Variants in AMD1 observed in about 807,000 individuals in gnomAD.
AMD1 encodes the protein adenosylmethionine decarboxylase 1, also known as S-adenosylmethionine decarboxylase proenzyme.
Under a neutral mutation model 40.2 loss-of-function variants are expected in AMD1, and 11 were observed. That is an observed-to-expected ratio of 0.27 (90% CI 0.17 to 0.45). The LOEUF is 0.45. Ranked by LOEUF, AMD1 falls within the 20% of genes least tolerant of loss-of-function variation. The probability of loss-of-function intolerance (pLI) is 1.00; values close to 1 mark genes in which losing one functional copy is unlikely to be tolerated. For missense variants in AMD1, 257 were observed against 410.2 expected (o/e 0.63, Z 3.23); for synonymous variants, 121 against 130.8 (o/e 0.93, Z 0.51).
At chr6:110,887,937 C>T (rs536343005) in intron 2 of AMD1, among the ~76,000 whole-genome samples, 1 of 152,200 alleles carries the variant, frequency 6.6e-6, no homozygotes, top group Non-Finnish European at 1.5e-5. Context: ...CCATCCACCT[C>T]GGCCTCCCAA....
At chr6:110,846,008 A>G in the AMD1 span, among the ~76,000 whole-genome samples, 1 of 152,022 alleles carries the variant, frequency 6.6e-6, no homozygotes, top group Non-Finnish European at 1.5e-5. Flanking sequence ...TTGGGAGGCC[A>G]AGGAGGGTGG....
intron 4 of AMD1, chr6:110,890,652 A>AT (rs941285671): frequency 3.0e-4 from 58 of 191,244 alleles, no homozygotes; most frequent in Middle Eastern, 1.9e-3. Context: ...CACCTGGCTA[A>AT]TTTTTTTTTA....
chr6:110,887,451 A>T, intron 1 of AMD1, 54 bp from the exon 2 acceptor site: 1 of 1,279,356 alleles, frequency 7.8e-7, no homozygotes, highest in East Asian at 2.5e-5. Flanking sequence ...TGTAATTTTT[A>T]TGAGTAGGTG....
the AMD1 span, among the ~76,000 whole-genome samples, chr6:110,820,589 T>C: frequency 6.6e-6 from 1 of 151,546 alleles, no homozygotes; most frequent in African/African-American, 2.4e-5. Context: ...CACAAAATGG[T>C]TAGTAAATGA....
chr6:110,864,337 A>C, the AMD1 span: 2 of 152,518 alleles, frequency 1.3e-5, no homozygotes, highest in South Asian at 4.1e-4. Context: ...AGGAACCTGC[A>C]CACTTCTCAA....
intron 2 of AMD1, 79 bp from the exon 3 acceptor site, chr6:110,888,778 A>T: frequency 7.0e-7 from 1 of 1,424,886 alleles, no homozygotes. Context: ...CAAAATTGTA[A>T]ATGATAATTA....
the AMD1 span, among the ~76,000 whole-genome samples, chr6:110,849,065 G>A: frequency 2.6e-5 from 4 of 152,144 alleles, no homozygotes; most frequent in Admixed American, 6.6e-5. Flanking sequence ...CATGGGATAT[G>A]AGGGAAATCC....
chr6:110,820,012 A>G, the AMD1 span, among the ~76,000 whole-genome samples: 6 of 152,230 alleles, frequency 3.9e-5, no homozygotes, highest in Non-Finnish European at 7.3e-5. Context: ...GAGTCTAAAA[A>G]GGGGAGAAGC....
intron 1 of AMD1, 77 bp from the exon 2 acceptor site, chr6:110,887,428 A>G (rs1375920003): frequency 2.9e-6 from 3 of 1,038,818 alleles, no homozygotes; most frequent in East Asian, 2.6e-5. Context: ...TTCATGAGAA[A>G]AAGTGTGAGC....
the AMD1 span, chr6:110,848,587 T>C: frequency 2.0e-6 from 1 of 502,220 alleles, no homozygotes; most frequent in Non-Finnish European, 3.2e-6. Context: ...GACAAAGACT[T>C]TAGGAAAGGT....
chr6:110,874,176 C>T (rs181314371), upstream of AMD1, among the ~76,000 whole-genome samples: 200 of 152,332 alleles, frequency 1.3e-3, 1 homozygote, highest in African/African-American at 4.5e-3. Flanking sequence ...ATTGTATAAA[C>T]CAGCCGAGGA....
chr6:110,829,737 T>C, the AMD1 span, among the ~76,000 whole-genome samples: 7 of 151,984 alleles, frequency 4.6e-5, no homozygotes, highest in East Asian at 1.9e-4. Context: ...TCCCAGCTAC[T>C]TGAGAGGCTG....
chr6:110,892,183 A>G lies in AMD1; in HGVS notation c.450A>G (p.Gly150=), dbSNP rs1467804108. The G allele has an allele frequency of 1.2e-5, 19 of 1,613,800 alleles. No individual in the cohort carries two copies. The highest frequency in any genetic ancestry group is 1.6e-5 in the Non-Finnish European group (19 of 1,180,046). The part of the protein sequence containing the change: ...IFPNGAAYCM[G]RMNSDCWYLY... ...CAGATGGAGCAGCATATTGTATGGG[A>G]CGTATGAATTCTGACTGTTGGTATG... is the stretch of plus-strand genomic sequence containing the variant. The change falls in exon 5 of 9, where the codon GGA becomes GGG. Residue 150 remains glycine (G), a synonymous_variant. Coordinates refer to ENST00000368885, the MANE Select transcript of AMD1 (RefSeq NM_001634.6).
chr6:110,835,466 G>T, the AMD1 span, among the ~76,000 whole-genome samples: 1 of 152,182 alleles, frequency 6.6e-6, no homozygotes, highest in African/African-American at 2.4e-5. Flanking sequence ...CACTTTGAAT[G>T]AATCTTTTTC....
chr6:110,865,500 TCTC>T, the AMD1 span, among the ~76,000 whole-genome samples: 3 of 152,094 alleles, frequency 2.0e-5, no homozygotes. Context: ...TTCAAGCAAT[TCTC>T]CTGCCTCAGC....
chr6:110,836,465 A>C, the AMD1 span, among the ~76,000 whole-genome samples: 3 of 152,236 alleles, frequency 2.0e-5, no homozygotes, highest in African/African-American at 7.2e-5. Context: ...AACAGTATAT[A>C]GATAACAGAG....
At chr6:110,852,770 C>T in the AMD1 span, among the ~76,000 whole-genome samples, 3 of 152,178 alleles carry the variant, frequency 2.0e-5, no homozygotes, top group Admixed American at 6.5e-5. Context: ...AGTCAATTTT[C>T]ATACTTTGAC....
chr6:110,814,819 C>G, the AMD1 span: 2 of 750,614 alleles, frequency 2.7e-6, no homozygotes, highest in Middle Eastern at 2.3e-4. Flanking sequence ...GTTCGAGGTA[C>G]GCGACGGGGC....
rs1554238017 is a variant in AMD1 at position 110,892,729 on chromosome 6, C to CCT, written c.616-5_616-4insTC. 1 of 1,611,628 alleles carries CCT rather than the reference C, an allele frequency of 6.2e-7. No homozygotes were observed. Among genetic ancestry groups the CCT allele is most frequent in the Non-Finnish European group, 8.5e-7 (1 of 1,179,026 alleles). ...CTTGTTAAACTCGGTCTTTTTCCCC[C>CCT]CCCAGGAGAGTGGAATTCGTGACCT... On this transcript the variant is annotated splice_region_variant and splice_polypyrimidine_tract_variant and intron_variant, in intron 6 of 8. Coordinates refer to ENST00000368885, the MANE Select transcript of AMD1 (RefSeq NM_001634.6).
Sources: allele counts gnomAD v4.1 joint callset (sites outside exome capture counted in the v4.1 genomes callset), GRCh38; gene constraint gnomAD v4.1.1; transcripts MANE v1.5; gene names NCBI Gene and HGNC (gene_info 2026-07-23, HGNC 2026-07-21).